The following MAGI2 variants were observed in gnomAD, a reference collection of about 807,000 sequenced individuals.
The protein encoded by MAGI2 is membrane associated guanylate kinase, WW and PDZ domain containing 2.
A neutral mutation model predicts 133.3 loss-of-function variants in MAGI2; 35 were observed. The observed-to-expected ratio is 0.26, with a 90% CI of 0.20 to 0.35. MAGI2 has a LOEUF of 0.35. Ranked by LOEUF, MAGI2 falls within the 10% of genes least tolerant of loss-of-function variation. The pLI, the probability that MAGI2 is intolerant of heterozygous loss-of-function variation, is 1.00. For missense variants in MAGI2, 1,636 were observed against 1,863.4 expected, an observed-to-expected ratio of 0.88 and a Z score of 2.25; for synonymous variants, 729 against 710.6, an observed-to-expected ratio of 1.03 and a Z score of -0.41.
intron 16 of MAGI2, among the ~76,000 whole-genome samples, chr7:78,149,484 A>G (rs1308440231): frequency 6.6e-6 from 1 of 152,222 alleles, no homozygotes; most frequent in Non-Finnish European, 1.5e-5. Context: ...AGGAAGCATC[A>G]ATATCAGTGA....
At chr7:79,118,146 G>T (rs916971622) in intron 1 of MAGI2, among the ~76,000 whole-genome samples, 1 of 152,152 alleles carries the variant, frequency 6.6e-6, no homozygotes, top group Admixed American at 6.6e-5. Flanking sequence ...TGAGAAAAAT[G>T]GTCCCTCTGT....
chr7:78,093,313 T>C (rs77202171), intron 20 of MAGI2, among the ~76,000 whole-genome samples: 1 of 147,094 alleles, frequency 6.8e-6, no homozygotes, highest in Non-Finnish European at 1.5e-5. Flanking sequence ...TAAAAAAAAA[T>C]CATGGTGGCG....
At chr7:79,290,445 C>T (rs943710460) in intron 1 of MAGI2, among the ~76,000 whole-genome samples, 29 of 151,532 alleles carry the variant, frequency 1.9e-4, no homozygotes, top group Admixed American at 1.6e-3. Context: ...TATTATTCAC[C>T]TCTGTTCTTT....
chr7:79,422,728 G>C (rs1358907684), intron 1 of MAGI2, among the ~76,000 whole-genome samples: 1 of 151,896 alleles, frequency 6.6e-6, no homozygotes, highest in African/African-American at 2.4e-5. Context: ...TTTTGTTCAA[G>C]GGAATAAAGC....
intron 1 of MAGI2, among the ~76,000 whole-genome samples, chr7:79,451,010 A>G (rs1480146846): frequency 6.6e-6 from 1 of 152,216 alleles, no homozygotes; most frequent in Non-Finnish European, 1.5e-5. Flanking sequence ...ATTTAATGAT[A>G]GCTTTCATTC....
chr7:79,180,622 A>C (rs1826528687), intron 1 of MAGI2, among the ~76,000 whole-genome samples: 1 of 151,978 alleles, frequency 6.6e-6, no homozygotes, highest in Admixed American at 6.6e-5. Context: ...AAACCACATA[A>C]TTCTGCCCCA....
At chr7:79,215,982 C>T (rs1460280983) in intron 1 of MAGI2, among the ~76,000 whole-genome samples, 1 of 151,784 alleles carries the variant, frequency 6.6e-6, no homozygotes, top group Non-Finnish European at 1.5e-5. Context: ...GGTAGCTCCC[C>T]AGGAACCCCA....
chr7:78,208,727 A>G (rs1198489102), intron 10 of MAGI2, among the ~76,000 whole-genome samples: 1 of 150,990 alleles, frequency 6.6e-6, no homozygotes, highest in Non-Finnish European at 1.5e-5. Flanking sequence ...ATCTAGAAAG[A>G]TTTTAAAGTA....
intron 2 of MAGI2, among the ~76,000 whole-genome samples, chr7:78,955,752 T>C (rs549183171): frequency 1.0e-3 from 76 of 74,314 alleles, no homozygotes; most frequent in South Asian, 9.1e-3. Flanking sequence ...TTTCTTTCTT[T>C]CTTTCTTTCT....
chr7:79,209,631 T>C (rs930744105), intron 1 of MAGI2, among the ~76,000 whole-genome samples: 1 of 152,046 alleles, frequency 6.6e-6, no homozygotes, highest in African/African-American at 2.4e-5. Context: ...TCAAGGTTTA[T>C]CAAGTCCCAT....
chr7:78,640,321 A>G (rs1430649619), intron 2 of MAGI2, among the ~76,000 whole-genome samples: 1 of 152,010 alleles, frequency 6.6e-6, no homozygotes, highest in Non-Finnish European at 1.5e-5. Flanking sequence ...AAAAACAAAA[A>G]GCACTTGGCT....
At chr7:78,649,230 A>AAAAG (rs1175531811) in intron 2 of MAGI2, among the ~76,000 whole-genome samples, 5 of 80,936 alleles carry the variant, frequency 6.2e-5, no homozygotes, top group African/African-American at 2.2e-4. Context: ...GGTAAAAAAA[A>AAAAG]AAAAAGAAAA....
At chr7:79,065,286 T>C (rs558112706) in intron 1 of MAGI2, among the ~76,000 whole-genome samples, 18 of 152,246 alleles carry the variant, frequency 1.2e-4, no homozygotes, top group African/African-American at 4.3e-4. Flanking sequence ...TAATAGAATA[T>C]ATAAAAAACT....
chr7:78,059,741 C>T (rs1302025744), intron 21 of MAGI2, among the ~76,000 whole-genome samples: 5 of 149,912 alleles, frequency 3.3e-5, no homozygotes, highest in Non-Finnish European at 2.9e-5. Flanking sequence ...TGGAGAGCTC[C>T]TCGAGGGAGG....
At chr7:78,298,410 G>T (rs1797508454) in intron 9 of MAGI2, among the ~76,000 whole-genome samples, 1 of 152,164 alleles carries the variant, frequency 6.6e-6, no homozygotes, top group South Asian at 2.1e-4. Context: ...TTCATTAAGG[G>T]TAACAAATAT....
chr7:78,659,482 T>G (rs954538616), intron 2 of MAGI2, among the ~76,000 whole-genome samples: 1 of 145,028 alleles, frequency 6.9e-6, no homozygotes, highest in Non-Finnish European at 1.5e-5. Context: ...GAAAACCCTG[T>G]AAGAATCTAG....
chr7:78,779,248 T>G (rs1826217426), intron 2 of MAGI2, among the ~76,000 whole-genome samples: 1 of 48,034 alleles, frequency 2.1e-5, no homozygotes, highest in Non-Finnish European at 6.0e-5. Flanking sequence ...AACAGCAACT[T>G]TTTTTTTCCC....
chr7:79,204,826 T>G (rs1828906759), intron 1 of MAGI2, among the ~76,000 whole-genome samples: 1 of 151,678 alleles, frequency 6.6e-6, no homozygotes, highest in Non-Finnish European at 1.5e-5. Flanking sequence ...ATACAATGAA[T>G]GAAATGAAAA....
At chr7:78,072,333 G>GT (rs1466831996) in intron 21 of MAGI2, among the ~76,000 whole-genome samples, 1 of 152,164 alleles carries the variant, frequency 6.6e-6, no homozygotes, top group Non-Finnish European at 1.5e-5. Flanking sequence ...CCATTTAAAT[G>GT]TTTTTCATGA....
Sources: gnomAD v4.1 joint callset for allele counts (sites outside exome capture counted in the v4.1 genomes callset) on GRCh38, gnomAD v4.1.1 for gene constraint, MANE v1.5 for transcripts, NCBI Gene and HGNC (gene_info 2026-07-23, HGNC 2026-07-21) for gene names.